Variants in STAG1 observed in about 807,000 individuals in gnomAD.
STAG1 encodes STAG1 cohesin complex component, also known as cohesin subunit SA-1.
In STAG1, 26 loss-of-function variants were observed where a neutral mutation model predicts 170.9. That is an observed-to-expected ratio of 0.15 (90% CI 0.11 to 0.21). STAG1 has a LOEUF of 0.21. Ranked by LOEUF, STAG1 falls within the 10% of genes least tolerant of loss-of-function variation. The pLI is 1.00. For synonymous variants in STAG1, 514 were observed against 497.7 expected, an observed-to-expected ratio of 1.03 and a Z score of -0.44; for missense variants, 964 against 1,509.5, an observed-to-expected ratio of 0.64 and a Z score of 5.99.
chr3:136,353,644 A>AT (rs1936520479), intron 28 of STAG1, among the ~76,000 whole-genome samples: 1 of 152,198 alleles, frequency 6.6e-6, no homozygotes, highest in Non-Finnish European at 1.5e-5. Context: ...GGGCTCAAGC[A>AT]ATCTTCCTGC....
At chr3:136,419,723 A>G (rs1437047982) in intron 20 of STAG1, among the ~76,000 whole-genome samples, 1 of 150,832 alleles carries the variant, frequency 6.6e-6, no homozygotes, top group African/African-American at 2.4e-5. Context: ...TCAACCTCCC[A>G]AAGTGCTGAG....
intron 4 of STAG1, among the ~76,000 whole-genome samples, chr3:136,571,021 G>T (rs1465067770): frequency 6.6e-6 from 1 of 152,196 alleles, no homozygotes; most frequent in East Asian, 1.9e-4. Context: ...GTGAAAACTA[G>T]AAGTTAATAG....
At chr3:136,398,500 C>T (rs111412702) in intron 22 of STAG1, among the ~76,000 whole-genome samples, 177 of 151,748 alleles carry the variant, frequency 1.2e-3, no homozygotes, top group African/African-American at 2.5e-3. Context: ...AGTTTTAATC[C>T]GTGTGTGTGT....
chr3:136,533,578 G>A (rs2107932797), intron 6 of STAG1, among the ~76,000 whole-genome samples: 1 of 152,212 alleles, frequency 6.6e-6, no homozygotes, highest in African/African-American at 2.4e-5. Flanking sequence ...GGTGAGAGAA[G>A]GAGCAAGGGG....
At chr3:136,629,751 A>G (rs1940252525) in intron 2 of STAG1, among the ~76,000 whole-genome samples, 1 of 152,184 alleles carries the variant, frequency 6.6e-6, no homozygotes, top group South Asian at 2.1e-4. Flanking sequence ...TAATATATAA[A>G]TAACTGCTTA....
At chr3:136,596,034 G>T (rs1365423056) in intron 4 of STAG1, among the ~76,000 whole-genome samples, 4 of 152,110 alleles carry the variant, frequency 2.6e-5, no homozygotes, top group Non-Finnish European at 4.4e-5. Context: ...TTCTGCTACT[G>T]CCTACTAAAC....
intron 1 of STAG1, among the ~76,000 whole-genome samples, chr3:136,728,781 T>C (rs1468519981): frequency 5.9e-5 from 9 of 152,182 alleles, no homozygotes; most frequent in Admixed American, 1.3e-4. Flanking sequence ...AACTATAGGA[T>C]AGTTAAAATG....
chr3:136,428,026 G>A (rs1364223664), intron 16 of STAG1, among the ~76,000 whole-genome samples: 1 of 150,332 alleles, frequency 6.7e-6, no homozygotes, highest in East Asian at 1.9e-4. Flanking sequence ...AATCACTGAA[G>A]AAAAGGATAT....
rs568740330 is a variant in STAG1, at chr3:136,751,982, A to T, written c.-84+213T>A. 2.5e-3 allele frequency among the ~76,000 whole-genome samples: 372 copies of T among 150,480 alleles called. 2 individuals are homozygous for T. Among genetic ancestry groups the T allele is most frequent in the Non-Finnish European group, 3.4e-3 (226 of 67,426 alleles). ...CGCGCCCACAGACGTCTCTCCGGGC[A>T]CTCGGACGGCCCACGACCGCCGCAC... On this transcript the variant is annotated intron_variant, in intron 1 of 33. Coordinates refer to ENST00000383202, the MANE Select transcript of STAG1 (RefSeq NM_005862.3).
At chr3:136,715,711 T>C (rs1387788107) in intron 1 of STAG1, among the ~76,000 whole-genome samples, 1 of 151,832 alleles carries the variant, frequency 6.6e-6, no homozygotes, top group Non-Finnish European at 1.5e-5. Context: ...AAAACGTTTT[T>C]ACAAAAGGCA....
chr3:136,463,727 A>ATG (rs1310748716), intron 13 of STAG1, among the ~76,000 whole-genome samples: 24 of 88,548 alleles, frequency 2.7e-4, no homozygotes, highest in African/African-American at 9.3e-4. Context: ...AAAAAAAAAA[A>ATG]TGTGTATATG....
rs116774049 is a variant in STAG1 at position 136,465,834 on chromosome 3, T to C, written c.1206-846A>G. Among the ~76,000 whole-genome samples, 1,067 of 152,186 alleles carry C rather than the reference T, an allele frequency of 7.0e-3. 15 individuals carry two copies. The highest frequency in any genetic ancestry group is 0.024 in the African/African-American group (987 of 41,520). ...ATTTCAGAATTAACCTACTAACTAA[T>C]GCATAACCTCTACGAAAAAATTAAA... On this transcript the variant is annotated intron_variant, in intron 12 of 33. Coordinates refer to ENST00000383202, the MANE Select transcript of STAG1 (RefSeq NM_005862.3).
At chr3:136,630,804 A>T in intron 2 of STAG1, 66 bp downstream of exon 2, 1 of 1,120,226 alleles carries the variant, frequency 8.9e-7, no homozygotes, top group Non-Finnish European at 1.3e-6. Context: ...GAGCATTTTG[A>T]TAAAGAAATA....
intron 1 of STAG1, among the ~76,000 whole-genome samples, chr3:136,735,934 T>C (rs768655473): frequency 6.6e-6 from 1 of 152,194 alleles, no homozygotes; most frequent in African/African-American, 2.4e-5. Flanking sequence ...CATGCCACGC[T>C]GATTGGTCAG....
chr3:136,737,758 C>A (rs1297909505), intron 1 of STAG1, among the ~76,000 whole-genome samples: 1 of 152,078 alleles, frequency 6.6e-6, no homozygotes, highest in African/African-American at 2.4e-5. Flanking sequence ...AAGAAATAGA[C>A]AATAAATGAG....
chr3:136,716,533 C>A (rs866950140), intron 1 of STAG1, among the ~76,000 whole-genome samples: 3 of 152,200 alleles, frequency 2.0e-5, no homozygotes, highest in Non-Finnish European at 4.4e-5. Flanking sequence ...GTAATGCCAA[C>A]ACTTTGGGAA....
chr3:136,354,169 T>C (rs1576381843), intron 28 of STAG1, among the ~76,000 whole-genome samples: 2 of 152,222 alleles, frequency 1.3e-5, no homozygotes, highest in Admixed American at 1.3e-4. Context: ...CAATTTATTA[T>C]TGGGTTTCTA....
chr3:136,431,835 C>A (rs1327156632), intron 16 of STAG1, among the ~76,000 whole-genome samples: 1 of 152,102 alleles, frequency 6.6e-6, no homozygotes, highest in African/African-American at 2.4e-5. Context: ...TTGTTGCTTT[C>A]AAGATTTTTT....
chr3:136,369,810 T>C (rs1213543099), intron 23 of STAG1, among the ~76,000 whole-genome samples: 1 of 152,208 alleles, frequency 6.6e-6, no homozygotes, highest in African/African-American at 2.4e-5. Context: ...AATAATGAAC[T>C]GCATATACAT....
Sources: allele counts gnomAD v4.1 joint callset (sites outside exome capture counted in the v4.1 genomes callset), GRCh38; gene constraint gnomAD v4.1.1; transcripts MANE v1.5; gene names NCBI Gene and HGNC (gene_info 2026-07-23, HGNC 2026-07-21).